Variants in STAP1 observed in about 807,000 individuals in gnomAD.
The protein encoded by STAP1 is signal-transducing adaptor protein 1.
In STAP1, 30 loss-of-function variants were observed where a neutral mutation model predicts 37.8. The ratio of observed to expected loss-of-function variants is 0.79; its 90% confidence interval spans 0.59 to 1.08. The LOEUF (loss-of-function observed/expected upper bound fraction) is 1.08, where lower values mean the gene tolerates loss of function less well. STAP1 is among the 50% of genes least tolerant of loss of function. The pLI, the probability that STAP1 is intolerant of heterozygous loss-of-function variation, is 0.00. For missense variants in STAP1, 357 were observed against 349.4 expected (o/e 1.02, Z -0.17); for synonymous variants, 130 against 116.0 (o/e 1.12, Z -0.78).
rs1577760716 is a variant in STAP1, at chr4:67,587,643, T to C, written c.660-3241T>C. Among the ~76,000 whole-genome samples, 3 of 152,006 alleles carry C rather than the reference T, an allele frequency of 2.0e-5. No individual in the cohort carries two copies. In the South Asian group the frequency reaches 6.2e-4, roughly 31 times the overall value. ...AGGAAATATTTACCCAAACTTTATT[T>C]CTTTGCAAAAATGGAAGTCAGAAGC... On this transcript the variant is annotated intron_variant, in intron 6 of 8. Coordinates refer to ENST00000265404, the MANE Select transcript of STAP1 (RefSeq NM_012108.4).
At chr4:67,575,640 C>T (rs146343089) in intron 3 of STAP1, 142 bp downstream of exon 3, 39 of 655,678 alleles carry the variant, frequency 5.9e-5, no homozygotes, top group East Asian at 1.9e-4. Flanking sequence ...CTGGCCAAGA[C>T]CTAGTTTTCT....
intron 4 of STAP1, among the ~76,000 whole-genome samples, chr4:67,578,522 C>T (rs1014651833): frequency 1.3e-5 from 2 of 151,606 alleles, no homozygotes; most frequent in African/African-American, 4.8e-5. Flanking sequence ...ATGTTGACTT[C>T]TGAGAGGGAG....
intron 5 of STAP1, 68 bp from the exon 6 acceptor site, chr4:67,583,506 T>A (rs1018636275): frequency 6.8e-7 from 1 of 1,471,812 alleles, no homozygotes; most frequent in Admixed American, 2.6e-5. Context: ...ATTTTGGTAG[T>A]ATTTTTTTCA....
intron 7 of STAP1, among the ~76,000 whole-genome samples, chr4:67,592,818 G>C (rs1053144884): frequency 2.0e-5 from 3 of 152,058 alleles, no homozygotes; most frequent in Non-Finnish European, 4.4e-5. Context: ...TGAGCAGCTG[G>C]CACTACAGGT....
intron 6 of STAP1, among the ~76,000 whole-genome samples, chr4:67,584,596 AT>A (rs1727939782): frequency 6.6e-6 from 1 of 152,212 alleles, no homozygotes; most frequent in African/African-American, 2.4e-5. Flanking sequence ...TTATTGACTG[AT>A]TTAAGCAGAG....
Position 67,590,893 on chromosome 4 carries a change from A to G in STAP1, c.669A>G (p.Arg223=), listed in dbSNP as rs1348609134. The G allele has an allele frequency of 6.2e-7, 1 of 1,610,870 alleles. No individual in the cohort carries two copies. The highest frequency in any genetic ancestry group is 8.5e-7 in the Non-Finnish European group (1 of 1,178,628). Residue 223 remains arginine, a synonymous_variant, in exon 7 of 9, where the codon AGA becomes AGG. Coordinates refer to ENST00000265404, the MANE Select transcript of STAP1 (RefSeq NM_012108.4). ...ITIRQEIDIP[R]IKHYKVMSVG... Reference sequence around the variant, plus strand: ...ATTTGTTTCATTGTAGCATTCCAAGAATCAAGCACTACAAAGTGATGAGCG... The same window carrying G: ...ATTTGTTTCATTGTAGCATTCCAAGGATCAAGCACTACAAAGTGATGAGCG...
chr4:67,569,069 A>C (rs1378859018), intron 1 of STAP1, among the ~76,000 whole-genome samples: 2 of 152,210 alleles, frequency 1.3e-5, no homozygotes, highest in Non-Finnish European at 2.9e-5. Context: ...GCAACCATAG[A>C]TGGTATAGCC....
intron 4 of STAP1, among the ~76,000 whole-genome samples, chr4:67,579,082 C>T (rs1433059341): frequency 6.6e-6 from 1 of 151,986 alleles, no homozygotes; most frequent in Admixed American, 6.5e-5. Flanking sequence ...GTGATCCTCC[C>T]ACCTCAAGTG....
At chr4:67,559,204 T>C (rs1727280200) in intron 1 of STAP1, among the ~76,000 whole-genome samples, 1 of 152,158 alleles carries the variant, frequency 6.6e-6, no homozygotes, top group South Asian at 2.1e-4. Context: ...TTCCAAAGAA[T>C]TTATTTAAAT....
chr4:67,598,941 T>C (rs78621815), intron 8 of STAP1, among the ~76,000 whole-genome samples: 17,630 of 152,200 alleles, frequency 0.12, 1,324 homozygotes, highest in Admixed American at 0.22. Context: ...CTGAATTTTA[T>C]CAAATGCTTT....
At chr4:67,577,422 G>C (rs1395128609) in intron 4 of STAP1, among the ~76,000 whole-genome samples, 163 bp downstream of exon 4, 2 of 152,046 alleles carry the variant, frequency 1.3e-5, no homozygotes, top group Non-Finnish European at 2.9e-5. Flanking sequence ...TTCATCAGGT[G>C]GTGGAGAGGG....
chr4:67,606,435 A>G lies in STAP1; in HGVS notation c.*78A>G. ...GAAGTTCTTACTTTTAAAGAGAATT[A>G]CCTATATTCTCCTGATACTGATTAC... is the stretch of plus-strand genomic sequence containing the variant. On this transcript the variant is annotated 3_prime_UTR_variant, in exon 9 of 9. Coordinates refer to ENST00000265404, the MANE Select transcript of STAP1 (RefSeq NM_012108.4). 1 of 1,239,194 alleles carries G rather than the reference A, an allele frequency of 8.1e-7. No individual in the cohort carries two copies. Among genetic ancestry groups the G allele is most frequent in the Non-Finnish European group, 1.1e-6 (1 of 879,708 alleles). 76.8% of individuals were successfully genotyped at this position (1,239,194 alleles called of 1,614,324 possible).
intron 1 of STAP1, among the ~76,000 whole-genome samples, chr4:67,561,434 A>G (rs1002965394): frequency 2.6e-5 from 4 of 152,202 alleles, no homozygotes; most frequent in South Asian, 2.1e-4. Flanking sequence ...AACCTGGTCT[A>G]TAAAGGCATG....
At chr4:67,582,558 T>G (rs762098463) in intron 5 of STAP1, among the ~76,000 whole-genome samples, 1 of 152,140 alleles carries the variant, frequency 6.6e-6, no homozygotes, top group East Asian at 1.9e-4. Flanking sequence ...TCCACCCGCC[T>G]TGGCCTACCA....
chr4:67,577,272 C>T lies in STAP1; in HGVS notation c.363+13C>T. On this transcript the variant is annotated intron_variant, in intron 4 of 8. Coordinates refer to ENST00000265404, the MANE Select transcript of STAP1 (RefSeq NM_012108.4). ...TACAGTAACAGAGGTAGGAAGCTCACTGCTTTTGATTGATTCTTTTTTTTT... is the reference window on the plus strand; with the variant it reads ...TACAGTAACAGAGGTAGGAAGCTCATTGCTTTTGATTGATTCTTTTTTTTT... The T allele has an allele frequency of 6.3e-7, 1 of 1,594,214 alleles. No homozygotes were observed. The highest frequency in any genetic ancestry group is 8.5e-7 in the Non-Finnish European group (1 of 1,172,152).
chr4:67,569,613 AT>A (rs756123843), intron 1 of STAP1, among the ~76,000 whole-genome samples: 1 of 148,456 alleles, frequency 6.7e-6, no homozygotes, highest in Admixed American at 6.7e-5. Context: ...TCTTTATTTT[AT>A]TTTTTTTTAC....
chr4:67,600,001 C>T (rs1560468099), intron 8 of STAP1, among the ~76,000 whole-genome samples: 1 of 152,118 alleles, frequency 6.6e-6, no homozygotes, highest in Non-Finnish European at 1.5e-5. Flanking sequence ...ATTTAAATTT[C>T]ATTTATTTCT....
intron 2 of STAP1, 107 bp downstream of exon 2, chr4:67,571,262 T>A (rs1455588109): frequency 8.3e-6 from 6 of 723,842 alleles, no homozygotes; most frequent in Non-Finnish European, 1.4e-5. Context: ...GATGCTCTGG[T>A]AAAATTAATT....
At chr4:67,593,457 C>T in intron 8 of STAP1, 101 bp downstream of exon 8, 1 of 802,794 alleles carries the variant, frequency 1.2e-6, no homozygotes, top group South Asian at 1.7e-5. Flanking sequence ...CAGGCAGGAA[C>T]TGTAGTTCAG....
Sources: gnomAD v4.1 joint callset for allele counts (sites outside exome capture counted in the v4.1 genomes callset) on GRCh38, gnomAD v4.1.1 for gene constraint, MANE v1.5 for transcripts, NCBI Gene and HGNC (gene_info 2026-07-23, HGNC 2026-07-21) for gene names.